Variants in SPATA6 observed in about 807,000 individuals in gnomAD.
The protein encoded by SPATA6 is spermatogenesis associated 6, also known as spermatogenesis-associated protein 6.
A neutral mutation model predicts 65.3 loss-of-function variants in SPATA6; 56 were observed. That is an observed-to-expected ratio of 0.86 (90% CI 0.69 to 1.07). SPATA6 has a LOEUF of 1.07. Ranked by LOEUF, SPATA6 falls within the 50% of genes least tolerant of loss-of-function variation. The pLI is 0.00. For synonymous variants in SPATA6, 199 were observed against 213.2 expected (o/e 0.93, Z 0.58); for missense variants, 590 against 594.8 (o/e 0.99, Z 0.08).
chr1:48,427,163 A>G (rs1283463164), intron 3 of SPATA6, among the ~76,000 whole-genome samples: 1 of 152,104 alleles, frequency 6.6e-6, no homozygotes, highest in African/African-American at 2.4e-5. Flanking sequence ...CCCAGCCTCA[A>G]GCAATTCTCC....
intron 8 of SPATA6, among the ~76,000 whole-genome samples, chr1:48,387,419 G>A (rs1419919147): frequency 6.6e-6 from 1 of 152,204 alleles, no homozygotes; most frequent in Non-Finnish European, 1.5e-5. Flanking sequence ...TGGGGCTGAG[G>A]CATAAGTGCC....
intron 8 of SPATA6, among the ~76,000 whole-genome samples, chr1:48,389,185 A>C (rs1276825182): frequency 6.6e-6 from 1 of 152,182 alleles, no homozygotes; most frequent in East Asian, 1.9e-4. Flanking sequence ...GACTAAACCA[A>C]GCATAAGAAC....
chr1:48,436,689 T>C (rs1654970678), intron 3 of SPATA6: 1 of 1,614,024 alleles, frequency 6.2e-7, no homozygotes, highest in African/African-American at 1.3e-5. Context: ...TGAGACAGGA[T>C]TTACATGGGT....
intron 3 of SPATA6, among the ~76,000 whole-genome samples, chr1:48,420,830 T>C (rs1471029640): frequency 1.3e-5 from 2 of 152,196 alleles, no homozygotes; most frequent in Admixed American, 6.5e-5. Context: ...AGAAAGAAAG[T>C]TTCACAGCAG....
intron 11 of SPATA6, among the ~76,000 whole-genome samples, chr1:48,353,771 AT>A (rs1207949179): frequency 2.6e-5 from 4 of 152,036 alleles, no homozygotes; most frequent in African/African-American, 4.8e-5. Context: ...TGGAAAAAAA[AT>A]AATTCCAAAT....
chr1:48,320,752 T>A (rs72891558), intron 11 of SPATA6, among the ~76,000 whole-genome samples: 2,242 of 152,256 alleles, frequency 0.015, 53 homozygotes, highest in African/African-American at 0.051. Context: ...ACTACTTATA[T>A]CTTCAGTAGA....
intron 10 of SPATA6, 72 bp downstream of exon 10, chr1:48,359,514 A>T: frequency 6.7e-7 from 1 of 1,486,902 alleles, no homozygotes; most frequent in South Asian, 1.3e-5. Flanking sequence ...TTTCACATGC[A>T]TAATTGCTGC....
intron 1 of SPATA6, among the ~76,000 whole-genome samples, chr1:48,467,860 G>A (rs1325866994): frequency 6.6e-6 from 1 of 152,128 alleles, no homozygotes; most frequent in East Asian, 1.9e-4. Flanking sequence ...GCACATGTTA[G>A]AACGACTACT....
chr1:48,271,936 A>G, the SPATA6 span, among the ~76,000 whole-genome samples: 2 of 152,142 alleles, frequency 1.3e-5, no homozygotes, highest in Non-Finnish European at 2.9e-5. Flanking sequence ...TAGTCAGGGT[A>G]AGCTCCTTGA....
chr1:48,440,818 T>A (rs1181436950), intron 3 of SPATA6, among the ~76,000 whole-genome samples: 2 of 152,178 alleles, frequency 1.3e-5, no homozygotes, highest in Non-Finnish European at 2.9e-5. Context: ...AAGCGAGCCC[T>A]GGGCTCTGAA....
chr1:48,453,085 A>G lies in SPATA6; in HGVS notation c.98T>C (p.Leu33Pro). 1 of 1,613,958 alleles carries G rather than the reference A, an allele frequency of 6.2e-7. No individual in the cohort carries two copies. ...GTATTGGCCAAACACACAGATGCTA[A>G]GATAGATGTCCTCTTTGTCTTTAAG... Reference protein sequence around the residue: ...VVLKDKEDIYLSICVFGQYKK... With the variant: ...VVLKDKEDIYPSICVFGQYKK... The change falls in exon 2 of 13, where the codon CTT (leucine) becomes CCT (proline). Residue 33 changes from leucine to proline, a missense_variant. Transcript: ENST00000371847.
chr1:48,423,120 T>G (rs1444667572), intron 3 of SPATA6, among the ~76,000 whole-genome samples: 1 of 152,104 alleles, frequency 6.6e-6, no homozygotes, highest in Non-Finnish European at 1.5e-5. Context: ...ATGATTTCAT[T>G]TATATGAAGT....
At chr1:48,429,072 C>T (rs1296770017) in intron 3 of SPATA6, among the ~76,000 whole-genome samples, 1 of 151,526 alleles carries the variant, frequency 6.6e-6, no homozygotes, top group Non-Finnish European at 1.5e-5. Context: ...AACTCCAACC[C>T]ACTGCAGGCA....
chr1:48,390,822 A>G (rs1447470502), intron 8 of SPATA6, among the ~76,000 whole-genome samples: 1 of 152,190 alleles, frequency 6.6e-6, no homozygotes, highest in Non-Finnish European at 1.5e-5. Flanking sequence ...GAAAATAAAT[A>G]AAGACATATA....
At chr1:48,305,000 C>T (rs1370474652) in intron 12 of SPATA6, among the ~76,000 whole-genome samples, 3 of 152,086 alleles carry the variant, frequency 2.0e-5, no homozygotes. Context: ...TAAAGAGAGG[C>T]CTAGGTTGCT....
intron 11 of SPATA6, among the ~76,000 whole-genome samples, chr1:48,341,351 A>G (rs1458425435): frequency 6.6e-6 from 1 of 152,162 alleles, no homozygotes; most frequent in African/African-American, 2.4e-5. Flanking sequence ...GTAATTCATA[A>G]GTTTCATTCT....
At chr1:48,462,859 A>G (rs1290927017) in intron 1 of SPATA6, among the ~76,000 whole-genome samples, 2 of 152,214 alleles carry the variant, frequency 1.3e-5, no homozygotes, top group African/African-American at 2.4e-5. Context: ...GGATGTTTCC[A>G]TAAGAGATTA....
intron 9 of SPATA6, among the ~76,000 whole-genome samples, chr1:48,363,895 C>G (rs1646904659): frequency 6.6e-6 from 1 of 151,864 alleles, no homozygotes; most frequent in African/African-American, 2.4e-5. Flanking sequence ...TGGTGTACTG[C>G]ACCCATTAAC....
intron 6 of SPATA6, among the ~76,000 whole-genome samples, chr1:48,401,430 G>A (rs185448376): frequency 1.3e-5 from 2 of 152,046 alleles, no homozygotes; most frequent in African/African-American, 2.4e-5. Flanking sequence ...TTCCTTAATG[G>A]ATCCTGTTCA....
Sources: gnomAD v4.1 joint callset for allele counts (sites outside exome capture counted in the v4.1 genomes callset) on GRCh38, gnomAD v4.1.1 for gene constraint, MANE v1.5 for transcripts, NCBI Gene and HGNC (gene_info 2026-07-23, HGNC 2026-07-21) for gene names.